The following TAOK1 variants were observed in gnomAD, a reference collection of about 807,000 sequenced individuals.
TAOK1 encodes serine/threonine-protein kinase TAO1.
A neutral mutation model predicts 138.3 loss-of-function variants in TAOK1; 21 were observed. The observed-to-expected ratio is 0.15, with a 90% confidence interval of 0.11 to 0.22. The LOEUF (loss-of-function observed/expected upper bound fraction) is 0.22, where lower values mean the gene tolerates loss of function less well. Ranked by LOEUF, TAOK1 falls within the 10% of genes least tolerant of loss-of-function variation. The pLI, the probability that TAOK1 is intolerant of heterozygous loss-of-function variation, is 1.00. For synonymous variants in TAOK1, 361 were observed against 398.4 expected (o/e 0.91, Z 1.12); for missense variants, 651 against 1,227.7 (o/e 0.53, Z 7.02).
intron 1 of TAOK1, among the ~76,000 whole-genome samples, chr17:29,421,647 G>A (rs1466389400): frequency 3.3e-5 from 5 of 152,138 alleles, no homozygotes; most frequent in African/African-American, 1.2e-4. Flanking sequence ...CACCCAGGCT[G>A]GAGTGTAGTG....
chr17:29,423,362 C>T (rs980589825), intron 1 of TAOK1, among the ~76,000 whole-genome samples: 3 of 151,334 alleles, frequency 2.0e-5, no homozygotes, highest in African/African-American at 7.3e-5. Context: ...ACTACAGGTG[C>T]CCGCCACCAC....
At chr17:29,522,567 T>A in intron 17 of TAOK1, 48 bp downstream of exon 17, 1 of 1,605,022 alleles carries the variant, frequency 6.2e-7, no homozygotes, top group Non-Finnish European at 8.5e-7. Context: ...AATGAAAAGG[T>A]ATCCATGTAA....
intron 1 of TAOK1, among the ~76,000 whole-genome samples, chr17:29,447,994 A>G (rs1272438771): frequency 2.3e-5 from 3 of 129,120 alleles, no homozygotes; most frequent in African/African-American, 8.9e-5. Context: ...TTACAGATGT[A>G]CTTCCTGCTT....
In TAOK1 at chr17:29,542,802, C is replaced by T. The variant is rs1423564303; in HGVS notation, c.2786C>T (p.Pro929Leu). The T allele has an allele frequency of 1.9e-6, 3 of 1,614,142 alleles. No homozygotes were observed. Among genetic ancestry groups the T allele is most frequent in the Non-Finnish European group, 1.7e-6 (2 of 1,179,988 alleles). ...CACTGGGGTCATCCCATGGGTGGCC[C>T]ACCACAAGCTTGGGGCCATCCAATG... ...GPHWGHPMGG[P>L]PQAWGHPMQG... The change falls in exon 20 of 20, where the codon CCA becomes CTA. Residue 929 changes from proline to leucine, a missense_variant. Pro to Leu is a moderately conservative substitution (Grantham distance 98). Transcript: ENST00000261716.
At chr17:29,485,413 AATTGC>A (rs2031150907) in intron 8 of TAOK1, among the ~76,000 whole-genome samples, 5 of 151,586 alleles carry the variant, frequency 3.3e-5, no homozygotes, top group Admixed American at 6.6e-5. Context: ...AAGGCGGAAG[AATTGC>A]TTAAAGCCAG....
intron 17 of TAOK1, among the ~76,000 whole-genome samples, chr17:29,523,621 C>T (rs1442380031): frequency 4.6e-5 from 7 of 152,190 alleles, no homozygotes; most frequent in East Asian, 3.9e-4. Flanking sequence ...CTCCTGACCT[C>T]GTGATCCACC....
At chr17:29,422,971 GT>G (rs1234320772) in intron 1 of TAOK1, among the ~76,000 whole-genome samples, 1 of 152,250 alleles carries the variant, frequency 6.6e-6, no homozygotes, top group East Asian at 1.9e-4. Context: ...GTTGCAGTGA[GT>G]TGAGATCGCC....
intron 18 of TAOK1, among the ~76,000 whole-genome samples, chr17:29,531,955 G>A (rs1298784486): frequency 2.0e-5 from 3 of 151,500 alleles, no homozygotes; most frequent in African/African-American, 4.8e-5. Flanking sequence ...CCGCCTCCCG[G>A]GTTCACGCCA....
chr17:29,537,423 C>T (rs763542269), intron 19 of TAOK1, among the ~76,000 whole-genome samples: 1 of 151,746 alleles, frequency 6.6e-6, no homozygotes, highest in Non-Finnish European at 1.5e-5. Context: ...AATCTCAGCT[C>T]ACTGCGTTCT....
intron 2 of TAOK1, among the ~76,000 whole-genome samples, chr17:29,463,844 A>G (rs1447817981): frequency 1.3e-5 from 2 of 152,214 alleles, no homozygotes; most frequent in African/African-American, 4.8e-5. Context: ...TCTTGAATAT[A>G]TGAAGAACTC....
chr17:29,479,404 C>T (rs879458791), intron 6 of TAOK1, among the ~76,000 whole-genome samples: 5 of 151,436 alleles, frequency 3.3e-5, no homozygotes, highest in Non-Finnish European at 7.4e-5. Flanking sequence ...AGGATAAGAT[C>T]TGAGAGATAC....
At chr17:29,435,830 A>G (rs1424529371) in intron 1 of TAOK1, among the ~76,000 whole-genome samples, 1 of 152,250 alleles carries the variant, frequency 6.6e-6, no homozygotes, top group Non-Finnish European at 1.5e-5. Flanking sequence ...TTATATTGCC[A>G]TAAGAATACT....
At chr17:29,516,989 AT>A (rs770682970) in intron 15 of TAOK1, among the ~76,000 whole-genome samples, 312 of 139,926 alleles carry the variant, frequency 2.2e-3, no homozygotes, top group Middle Eastern at 3.7e-3. Flanking sequence ...TACCCAGCTA[AT>A]TTTTTTTTTT....
chr17:29,459,518 C>G (rs752742812), intron 2 of TAOK1, among the ~76,000 whole-genome samples: 1 of 152,046 alleles, frequency 6.6e-6, no homozygotes, highest in Non-Finnish European at 1.5e-5. Context: ...AACTCCTGAC[C>G]TCAAGTGATC....
At chr17:29,404,717 G>A (rs934442910) in intron 1 of TAOK1, among the ~76,000 whole-genome samples, 3 of 152,116 alleles carry the variant, frequency 2.0e-5, no homozygotes, top group African/African-American at 7.2e-5. Context: ...TGGAACCTAG[G>A]AGGATGGAGT....
At chr17:29,535,797 G>T (rs2032210893) in intron 19 of TAOK1, among the ~76,000 whole-genome samples, 1 of 152,070 alleles carries the variant, frequency 6.6e-6, no homozygotes, top group African/African-American at 2.4e-5. Flanking sequence ...TGAGGCTGCA[G>T]TGAGCTGAGA....
chr17:29,508,229 G>C (rs1184281563), intron 14 of TAOK1, 97 bp downstream of exon 14: 12 of 1,027,154 alleles, frequency 1.2e-5, no homozygotes, highest in Non-Finnish European at 1.5e-6. Context: ...CTGTTCCCGT[G>C]AACCAAGCAA....
At chr17:29,401,496 A>C (rs1192158704) in intron 1 of TAOK1, among the ~76,000 whole-genome samples, 1 of 152,148 alleles carries the variant, frequency 6.6e-6, no homozygotes, top group African/African-American at 2.4e-5. Flanking sequence ...CTTTCCAACA[A>C]CAGTAGCTCT....
rs543914210 is a variant in TAOK1 at position 29,430,904 on chromosome 17, T to G, written c.-94-20551T>G. 9.2e-5 allele frequency among the ~76,000 whole-genome samples: 14 copies of G among 152,284 alleles called. No homozygotes were observed. The East Asian group carries it at 2.7e-3, about 29-fold the overall frequency. On this transcript the variant is annotated intron_variant, in intron 1 of 19. Coordinates refer to ENST00000261716, the MANE Select transcript of TAOK1 (RefSeq NM_020791.4). ...GATGGCCAGGGGTAGTATCTTCACC[T>G]GGAACTGGCTGGAACTTTGCTGCAT...
Sources: gnomAD v4.1 joint callset for allele counts (sites outside exome capture counted in the v4.1 genomes callset) on GRCh38, gnomAD v4.1.1 for gene constraint, MANE v1.5 for transcripts, NCBI Gene and HGNC (gene_info 2026-07-23, HGNC 2026-07-21) for gene names.